The following RGN variants were observed in gnomAD, a reference collection of about 807,000 sequenced individuals.
RGN encodes epididymis secretory protein Li 41.
In RGN, 19 loss-of-function variants were observed where a neutral mutation model predicts 20.6. The observed-to-expected ratio is 0.92, with a 90% confidence interval of 0.64 to 1.35. The LOEUF (loss-of-function observed/expected upper bound fraction) is 1.35. RGN is among the 40% of genes most tolerant of loss of function. The probability of loss-of-function intolerance (pLI) is 0.00; values close to 1 mark genes in which losing one functional copy is unlikely to be tolerated. For synonymous variants in RGN, 85 were observed against 87.2 expected (o/e 0.97, Z 0.14); for missense variants, 302 against 232.7 (o/e 1.30, Z -1.94).
chrX:47,083,254 G>A lies in RGN; in HGVS notation c.164-1164G>A, dbSNP rs183793995. ...GTCTCTACTAAAAATACAAAAATTA[G>A]CCAGGCATGGTAGCACAGCCTGTAG... On this transcript the variant is annotated intron_variant, in intron 3 of 7. Transcript: ENST00000397180. Among the ~76,000 whole-genome samples the A allele has an allele frequency of 4.9e-3, 532 of 108,924 alleles. 3 individuals are homozygous for A. The highest frequency in any genetic ancestry group is 0.017 in the African/African-American group (512 of 29,894). 94.6% of individuals were successfully genotyped at this position (108,924 alleles called of 115,157 possible).
rs781935920 is a variant in RGN at position 47,086,734 on chromosome X, G to GGAGAGAGAGAGAGAGAGAGAGA, written c.346+2163_346+2184dup. On this transcript the variant is annotated intron_variant, in intron 4 of 7. Coordinates refer to ENST00000397180, the MANE Select transcript of RGN (RefSeq NM_152869.4). ...GCTGCCCCTAGAACCAGTGATAACAGGAGAGAGAGAGAGAGAGAGAGAGAG... is the reference window on the plus strand; with the variant it reads ...GCTGCCCCTAGAACCAGTGATAACAGGAGAGAGAGAGAGAGAGAGAGAGAGAGAGAGAGAGAGAGAGAGAGAG... Among the ~76,000 whole-genome samples the GGAGAGAGAGAGAGAGAGAGAGA allele has an allele frequency of 1.2e-3, 63 of 50,497 alleles. 6 individuals are homozygous for GGAGAGAGAGAGAGAGAGAGAGA. The highest frequency in any genetic ancestry group is 3.0e-3 in the East Asian group (4 of 1,324). 43.9% of individuals were successfully genotyped at this position (50,497 alleles called of 115,157 possible).
intron 5 of RGN, 88 bp downstream of exon 5, chrX:47,090,079 T>C: frequency 1.7e-6 from 1 of 604,586 alleles, no homozygotes; most frequent in Non-Finnish European, 2.6e-6. Context: ...TCGCCTCATG[T>C]GAAGAAGTCT....
rs1343361263 is a variant in RGN, at chrX:47,085,494, G to C, written c.346+894G>C. ...GTCGCACCACTGCACTCCAGCCTGGGCAATAGAGCGAGACTCCATCTCAAA... is the reference window on the plus strand; with the variant it reads ...GTCGCACCACTGCACTCCAGCCTGGCCAATAGAGCGAGACTCCATCTCAAA... On this transcript the variant is annotated intron_variant, in intron 4 of 7. Coordinates refer to ENST00000397180, the MANE Select transcript of RGN (RefSeq NM_152869.4). 3.6e-5 allele frequency among the ~76,000 whole-genome samples: 4 copies of C among 109,861 alleles called. No homozygotes were observed. In the Admixed American group the frequency reaches 3.9e-4, roughly 11 times the overall value.
At chrX:47,081,704 A>G (rs1298757627) in intron 3 of RGN, among the ~76,000 whole-genome samples, 1 of 110,055 alleles carries the variant, frequency 9.1e-6, no homozygotes, top group African/African-American at 3.3e-5. Context: ...GCGTGCCACT[A>G]TGTCCAGCTA....
intron 3 of RGN, among the ~76,000 whole-genome samples, chrX:47,082,160 C>G (rs967348072): frequency 1.8e-4 from 20 of 111,240 alleles, no homozygotes; most frequent in Non-Finnish European, 1.7e-4. Flanking sequence ...GGATTTATCA[C>G]TTTCTATGGC....
Position 47,092,761 on chromosome X carries a change from G to T in RGN, c.850-136G>T, listed in dbSNP as rs781824995. 7 of 516,728 alleles carry T rather than the reference G, an allele frequency of 1.4e-5. No homozygotes were observed. The East Asian group carries it at 2.6e-4, about 19-fold the overall frequency. 42.6% of individuals were successfully genotyped at this position (516,728 alleles called of 1,213,427 possible). A position where few individuals can be genotyped will look rare whatever the true frequency, so the allele number is the denominator to read the frequency against. On this transcript the variant is annotated intron_variant, in intron 7 of 7. Coordinates refer to ENST00000397180, the MANE Select transcript of RGN (RefSeq NM_152869.4). ...GGTTGGACCATAAATATCCAGTCAG[G>T]TAATTCCTTTTTATGATAGGAGATA...
chrX:47,086,952 A>G (rs1278696967), intron 4 of RGN, among the ~76,000 whole-genome samples: 1 of 110,702 alleles, frequency 9.0e-6, no homozygotes, highest in African/African-American at 3.3e-5. Flanking sequence ...ATTAGGGGCT[A>G]TCTTGGAGGC....
chrX:47,085,305 G>A (rs1269465178), intron 4 of RGN, among the ~76,000 whole-genome samples: 2 of 111,431 alleles, frequency 1.8e-5, no homozygotes, highest in Admixed American at 1.9e-4. Context: ...AGATCACGAG[G>A]TCAGGAGATT....
At position 47,089,939 on chromosome X, in the gene RGN, C is replaced by A. The variant is rs1724027503; in HGVS notation, c.510C>A (p.Ser170Arg). 1 of 1,206,198 alleles carries A rather than the reference C, an allele frequency of 8.3e-7. No homozygotes were observed. Among genetic ancestry groups the A allele is most frequent in the Non-Finnish European group, 1.1e-6 (1 of 893,233 alleles). ...ACAAAATCTTCTATTACATTGACAG[C>A]CTGTCCTACTCCGTGGATGCCTTTG... ...LDHKIFYYID[S>R]LSYSVDAFDY... Residue 170 changes from serine (S) to arginine (R), a missense_variant, in exon 5 of 8, where the codon AGC becomes AGA. By Grantham distance (110) the Ser-to-Arg change is moderately radical. Coordinates refer to ENST00000397180, the MANE Select transcript of RGN (RefSeq NM_152869.4).
chrX:47,088,240 G>T (rs1017253503), intron 4 of RGN, among the ~76,000 whole-genome samples: 4 of 107,874 alleles, frequency 3.7e-5, no homozygotes, highest in African/African-American at 1.3e-4. Flanking sequence ...GATCTGACCT[G>T]TCTATGCTTG....
At chrX:47,091,919 TA>T in intron 6 of RGN, 110 bp downstream of exon 6, 1 of 1,032,596 alleles carries the variant, frequency 9.7e-7, no homozygotes, top group Admixed American at 3.1e-5. Context: ...TTGCTCAAAA[TA>T]AATTGTCAGG....
intron 4 of RGN, among the ~76,000 whole-genome samples, chrX:47,085,640 C>T (rs1157123892): frequency 9.2e-6 from 1 of 109,260 alleles, no homozygotes; most frequent in African/African-American, 3.5e-5. Context: ...TCTTTATCTC[C>T]AGAGTCCTTT....
At chrX:47,092,871 A>G in intron 7 of RGN, 26 bp from the exon 8 acceptor site, 1 of 1,177,043 alleles carries the variant, frequency 8.5e-7, no homozygotes, top group African/African-American at 1.7e-5. Context: ...CTTTCACCTG[A>G]GATTCCCTCT....
At chrX:47,078,983 A>T (rs1453183428) in intron 1 of RGN, among the ~76,000 whole-genome samples, 1 of 80,713 alleles carries the variant, frequency 1.2e-5, no homozygotes, top group Non-Finnish European at 2.3e-5. Context: ...TTTCCGAGAC[A>T]AGGTCTCAGT....
intron 3 of RGN, among the ~76,000 whole-genome samples, chrX:47,083,202 C>T (rs1930421383): frequency 9.1e-6 from 1 of 110,285 alleles, no homozygotes; most frequent in Non-Finnish European, 1.9e-5. Flanking sequence ...GAGTTCAAGA[C>T]CAGCCTGACC....
intron 6 of RGN, 36 bp downstream of exon 6, chrX:47,091,845 G>A (rs1556388027): frequency 8.4e-7 from 1 of 1,188,276 alleles, no homozygotes; most frequent in Non-Finnish European, 1.1e-6. Context: ...CCTTGTCATG[G>A]CTAGGCAGAG....
At chrX:47,082,912 G>C (rs1473614077) in intron 3 of RGN, among the ~76,000 whole-genome samples, 2 of 108,980 alleles carry the variant, frequency 1.8e-5, no homozygotes, top group Non-Finnish European at 3.8e-5. Context: ...CACATTCCTT[G>C]GGACCCTTGA....
intron 3 of RGN, among the ~76,000 whole-genome samples, chrX:47,082,497 G>A (rs1930381720): frequency 9.1e-6 from 1 of 109,592 alleles, no homozygotes; most frequent in South Asian, 3.9e-4. Flanking sequence ...ATTTTTTGTA[G>A]AGACAGGGTC....
intron 5 of RGN, among the ~76,000 whole-genome samples, chrX:47,090,915 G>GAAAGAAGAAAA (rs1172006104): frequency 1.9e-5 from 1 of 51,893 alleles, no homozygotes; most frequent in Non-Finnish European, 3.3e-5. Flanking sequence ...GAAAGAAGAA[G>GAAAGAAGAAAA]GAAAGAAAGA....
Sources: allele counts gnomAD v4.1 joint callset (sites outside exome capture counted in the v4.1 genomes callset), GRCh38; gene constraint gnomAD v4.1.1; transcripts MANE v1.5; gene names NCBI Gene and HGNC (gene_info 2026-07-23, HGNC 2026-07-21).